ZNF718: variants seen among roughly 807,000 people sequenced by gnomAD.
ZNF718 encodes the protein zinc finger protein 718.
In ZNF718, 3 loss-of-function variants were observed where a neutral mutation model predicts 2.6. The observed-to-expected ratio is 1.16, with a 90% CI of 0.53 to 3.01. The LOEUF is 3.01. Among genes scored for constraint, ZNF718 ranks in the 30% most tolerant of loss-of-function variants. ZNF718 has a pLI of 0.03. For missense variants in ZNF718, 468 were observed against 230.0 expected, an observed-to-expected ratio of 2.03 and a Z score of -6.69; for synonymous variants, 135 against 77.9, an observed-to-expected ratio of 1.73 and a Z score of -3.86.
chr4:142,246 ACT>A (rs1184010070), intron 3 of ZNF718, among the ~76,000 whole-genome samples: 1 of 151,908 alleles, frequency 6.6e-6, no homozygotes, highest in Non-Finnish European at 1.5e-5. Flanking sequence ...CTATCATAAA[ACT>A]CTTACCTTTG....
intron 3 of ZNF718, among the ~76,000 whole-genome samples, chr4:169,228 A>G (rs1220506416): frequency 6.6e-6 from 1 of 152,048 alleles, no homozygotes; most frequent in Admixed American, 6.6e-5. Context: ...CAGTGTTATA[A>G]TTTCTGTTCT....
At chr4:146,689 A>C (rs1319567692) in intron 3 of ZNF718, among the ~76,000 whole-genome samples, 1 of 151,968 alleles carries the variant, frequency 6.6e-6, no homozygotes. Context: ...ATCATATAGC[A>C]TGGGTTCCAA....
intron 2 of ZNF718, 56 bp downstream of exon 2, chr4:130,970 C>A: frequency 3.7e-6 from 1 of 269,470 alleles, no homozygotes; most frequent in South Asian, 9.3e-5. Context: ...TCATTTTCTT[C>A]CTTTGTAGAA....
rs367826038 is a variant in ZNF718, at chr4:152,416, G to A, written c.227-8496G>A. Reference sequence around the variant, plus strand: ...TAGGCAGAGGTCCCTGCGGCCTTCCGCAGTTTTTGTGTCCCTGGGTACTTG... The same window carrying A: ...TAGGCAGAGGTCCCTGCGGCCTTCCACAGTTTTTGTGTCCCTGGGTACTTG... On this transcript the variant is annotated intron_variant, in intron 3 of 3. Transcript: ENST00000510175. Among the ~76,000 whole-genome samples, 38 of 118,814 alleles carry A rather than the reference G, an allele frequency of 3.2e-4. No individual in the cohort carries two copies. The East Asian group carries it at 3.7e-3, about 12-fold the overall frequency. 77.9% of individuals were successfully genotyped at this position (118,814 alleles called of 152,430 possible).
intron 3 of ZNF718, among the ~76,000 whole-genome samples, chr4:146,077 C>CTA (rs5742061): frequency 0.054 from 7,779 of 142,910 alleles, 238 homozygotes; most frequent in Non-Finnish European, 0.064. Flanking sequence ...ATATAGCCTT[C>CTA]TATATATATA....
intron 3 of ZNF718, among the ~76,000 whole-genome samples, chr4:152,180 C>G (rs1340479410): frequency 1.1e-4 from 16 of 146,700 alleles, no homozygotes; most frequent in Non-Finnish European, 2.0e-4. Context: ...GGGTTTTATA[C>G]CGAGACATTC....
chr4:189,919 A>C (rs1717659064), intron 3 of ZNF718, among the ~76,000 whole-genome samples: 1 of 152,180 alleles, frequency 6.6e-6, no homozygotes, highest in African/African-American at 2.4e-5. Flanking sequence ...TGATTTTTAA[A>C]ATATTAAGCC....
At chr4:146,078 TA>T (rs1716044875) in intron 3 of ZNF718, among the ~76,000 whole-genome samples, 4 of 13,168 alleles carry the variant, frequency 3.0e-4, no homozygotes, top group Non-Finnish European at 5.9e-4. Flanking sequence ...TATAGCCTTC[TA>T]TATATATATA....
rs1715335770 is a variant in ZNF718 at position 130,961 on chromosome 4, C to G, written c.130+47C>G. 4 of 278,850 alleles carry G rather than the reference C, an allele frequency of 1.4e-5. 1 individual carries two copies. Among genetic ancestry groups the G allele is most frequent in the Non-Finnish European group, 1.3e-5 (2 of 151,720 alleles). The allele number at this position is 278,850 out of a possible 1,614,324, so 17.3% of individuals were successfully genotyped here. The stretch of plus-strand genomic sequence containing the variant: ...AATTCCTAATACTTTTTCAGAATTT[C>G]ATTTTCTTCCTTTGTAGAATGTCTC... On this transcript the variant is annotated intron_variant, in intron 2 of 3. Transcript: ENST00000510175.
At position 183,961 on chromosome 4, in the gene ZNF718, A is replaced by G. The variant is rs145372281; in HGVS notation, c.227-17120A>G. 2.7e-4 allele frequency among the ~76,000 whole-genome samples: 41 copies of G among 152,234 alleles called. No homozygotes were observed. In the East Asian group the frequency reaches 6.4e-3, roughly 24 times the overall value. On this transcript the variant is annotated intron_variant and NMD_transcript_variant, in intron 3 of 4. Coordinates refer to the ZNF718 transcript ENST00000642529. ...GGATCATGTCATCTGCAGAGAAGAT[A>G]GTTTAATTTCCTCTCTTTTTATGTG... is the stretch of plus-strand genomic sequence containing the variant.
chr4:182,280 C>G (rs1260183284), intron 3 of ZNF718, among the ~76,000 whole-genome samples: 1 of 151,910 alleles, frequency 6.6e-6, no homozygotes, highest in Admixed American at 6.6e-5. Flanking sequence ...ACACTCTCAC[C>G]AATGGTGTAA....
At chr4:199,997 G>A (rs1717866590) in intron 3 of ZNF718, among the ~76,000 whole-genome samples, 2 of 152,154 alleles carry the variant, frequency 1.3e-5, no homozygotes, top group African/African-American at 4.8e-5. Flanking sequence ...GAAAACAATG[G>A]AAAAATTGTA....
At chr4:170,494 G>A (rs376177008) in intron 3 of ZNF718, among the ~76,000 whole-genome samples, 9 of 152,052 alleles carry the variant, frequency 5.9e-5, no homozygotes, top group African/African-American at 1.2e-4. Flanking sequence ...CCAATCAGAC[G>A]TAGATTTGGT....
At chr4:138,051 A>T (rs185056745) in intron 3 of ZNF718, among the ~76,000 whole-genome samples, 17 of 152,352 alleles carry the variant, frequency 1.1e-4, no homozygotes, top group Admixed American at 8.5e-4. Flanking sequence ...GTTACATGAG[A>T]TATTTTGATG....
intron 3 of ZNF718, among the ~76,000 whole-genome samples, chr4:142,540 C>G (rs1359602109): frequency 1.3e-5 from 2 of 152,202 alleles, no homozygotes; most frequent in African/African-American, 4.8e-5. Context: ...CTTCACTCTT[C>G]TAGAGGGGCA....
chr4:166,831 G>T (rs1397454244), downstream of ZNF718, among the ~76,000 whole-genome samples: 4 of 152,020 alleles, frequency 2.6e-5, no homozygotes, highest in Admixed American at 6.6e-5. Flanking sequence ...AGTTTCTTTT[G>T]CTGTGCAGAA....
At chr4:157,808 C>T (rs969168912) in intron 3 of ZNF718, among the ~76,000 whole-genome samples, 7 of 152,090 alleles carry the variant, frequency 4.6e-5, no homozygotes, top group African/African-American at 1.7e-4. Context: ...GTGTATTCTG[C>T]TGTCATTGAG....
At chr4:187,787 G>C (rs992690291) in intron 3 of ZNF718, among the ~76,000 whole-genome samples, 2 of 151,948 alleles carry the variant, frequency 1.3e-5, no homozygotes, top group African/African-American at 2.4e-5. Context: ...GTGTTGGGGG[G>C]ATTTGTTCAG....
intron 3 of ZNF718, among the ~76,000 whole-genome samples, chr4:158,427 A>C (rs1716673252): frequency 6.6e-6 from 1 of 151,680 alleles, no homozygotes; most frequent in African/African-American, 2.4e-5. Context: ...TTACTTGATA[A>C]TTTTATCTTT....
Sources: allele counts gnomAD v4.1 joint callset (sites outside exome capture counted in the v4.1 genomes callset), GRCh38; gene constraint gnomAD v4.1.1; transcripts MANE v1.5; gene names NCBI Gene and HGNC (gene_info 2026-07-23, HGNC 2026-07-21).